The following SLIT1 variants were observed in gnomAD, a reference collection of about 807,000 sequenced individuals.
The protein encoded by SLIT1 is slit guidance ligand 1.
Under a neutral mutation model 186.1 loss-of-function variants are expected in SLIT1, and 66 were observed. The observed-to-expected ratio is 0.35, with a 90% CI of 0.29 to 0.44. The LOEUF (loss-of-function observed/expected upper bound fraction) is 0.44. Among genes scored for constraint, SLIT1 ranks in the 20% least tolerant of loss-of-function variants. SLIT1 has a pLI of 1.00. For missense variants in SLIT1, 1,638 were observed against 2,037.4 expected, an observed-to-expected ratio of 0.80 and a Z score of 3.77; for synonymous variants, 761 against 833.8, an observed-to-expected ratio of 0.91 and a Z score of 1.50.
intron 4 of SLIT1, among the ~76,000 whole-genome samples, chr10:97,151,141 C>T (rs1184081679): frequency 6.6e-6 from 1 of 152,204 alleles, no homozygotes; most frequent in Non-Finnish European, 1.5e-5. Flanking sequence ...CAGGGCCACA[C>T]TCATCCATCT....
chr10:97,151,384 GA>G lies in SLIT1; in HGVS notation c.413+6433del, dbSNP rs560811720. Among the ~76,000 whole-genome samples the G allele has an allele frequency of 3.1e-3, 454 of 146,798 alleles. 4 individuals carry two copies. The highest frequency in any genetic ancestry group is 5.7e-3 in the Non-Finnish European group (377 of 66,304). ...GGGGAGGGTTGATGGGTGGGGGTGG[GA>G]GAGTGGATGGATAGGCAGGTGGTGA... On this transcript the variant is annotated intron_variant, in intron 4 of 36. Coordinates refer to ENST00000266058, the MANE Select transcript of SLIT1 (RefSeq NM_003061.3).
rs377310191 is a variant in SLIT1 at position 97,002,201 on chromosome 10, G to C, written c.4323C>G (p.His1441Gln). 5.7e-5 allele frequency: 89 copies of C among 1,570,310 alleles called. 1 individual carries two copies. Among genetic ancestry groups the C allele is most frequent in the African/African-American group, 3.8e-4 (28 of 73,964 alleles). Residue 1441 changes from histidine (H) to glutamine (Q), a missense_variant, in exon 36 of 37, where the codon CAC (histidine) becomes CAG (glutamine). Around this residue, in one of 3 missense-constraint regions of SLIT1, gnomAD observed 220 missense variants for 211.3 expected, o/e 1.04. Transcript: ENST00000266058. ...HCQASGTKGA[H>Q]CVCDPGFSGE... ...CCGAAAAGCCGGGGTCACACACACA[G>C]TGTGCCCCCTTGGTGCCTGAGGCCT...
chr10:97,012,383 T>A (rs1278836953), intron 30 of SLIT1, among the ~76,000 whole-genome samples: 1 of 152,210 alleles, frequency 6.6e-6, no homozygotes, highest in East Asian at 1.9e-4. Flanking sequence ...GATATATATC[T>A]TGGGTTCCAG....
Position 97,004,230 on chromosome 10 carries a change from A to G in SLIT1, c.3711-8T>C. 6.3e-7 allele frequency: 1 copy of G among 1,596,576 alleles called. No individual in the cohort carries two copies. The highest frequency in any genetic ancestry group is 8.6e-7 in the Non-Finnish European group (1 of 1,165,406). On this transcript the variant is annotated splice_polypyrimidine_tract_variant and splice_region_variant and intron_variant, in intron 33 of 36. Transcript: ENST00000266058. The surrounding 1 kb of genome is among the most constrained non-coding windows in gnomAD (Gnocchi z 5.1). The stretch of plus-strand genomic sequence containing the variant: ...TCGTTGATCGTCTCAGCACTGGAGG[A>G]AGAGGGGGTTCCCCGTTCCAGGGAG...
intron 1 of SLIT1, among the ~76,000 whole-genome samples, 190 bp downstream of exon 1, chr10:97,185,288 C>A (rs1011388818): frequency 6.6e-6 from 1 of 151,878 alleles, no homozygotes; most frequent in African/African-American, 2.4e-5. Flanking sequence ...CCTTTGAATC[C>A]CAGGGATGGG....
chr10:97,164,963 G>T (rs956292734), intron 1 of SLIT1, 73 bp from the exon 2 acceptor site: 1 of 1,163,240 alleles, frequency 8.6e-7, no homozygotes, highest in African/African-American at 1.5e-5. Context: ...CCTGCTCCAG[G>T]TGCCCTCCCC....
chr10:97,054,658 C>T (rs1054652695), intron 13 of SLIT1, among the ~76,000 whole-genome samples: 6 of 152,064 alleles, frequency 3.9e-5, no homozygotes, highest in African/African-American at 7.2e-5. Flanking sequence ...TGAACCTGAC[C>T]GAGCTCCTAG....
intron 31 of SLIT1, among the ~76,000 whole-genome samples, chr10:97,008,791 C>T (rs1848385194): frequency 6.6e-6 from 1 of 151,830 alleles, no homozygotes. Flanking sequence ...CAGAACTCAA[C>T]ATGCTGATCC....
chr10:97,055,890 G>A (rs1211645996), intron 13 of SLIT1, among the ~76,000 whole-genome samples: 1 of 152,118 alleles, frequency 6.6e-6, no homozygotes, highest in African/African-American at 2.4e-5. Flanking sequence ...ATTATAACAT[G>A]CATCCCAGTT....
chr10:97,002,694 C>T lies in SLIT1; in HGVS notation c.4154+10G>A, dbSNP rs1276938170. ...CAGGGGCAAGGGCTCCCCCAGTGCC[C>T]CAGGCTCACTTGTGGCCATGGCAGG... On this transcript the variant is annotated intron_variant, in intron 35 of 36. Transcript: ENST00000266058. 2 of 1,555,342 alleles carry T rather than the reference C, an allele frequency of 1.3e-6. No individual in the cohort carries two copies. The highest frequency in any genetic ancestry group is 1.7e-6 in the Non-Finnish European group (2 of 1,148,294).
At chr10:97,157,711 G>A (rs1849969435) in intron 4 of SLIT1, 107 bp downstream of exon 4, 3 of 836,694 alleles carry the variant, frequency 3.6e-6, no homozygotes, top group African/African-American at 3.3e-5. Flanking sequence ...GGAGCACAGG[G>A]TCAGGGTCAT....
intron 11 of SLIT1, 52 bp from the exon 12 acceptor site, chr10:97,057,333 T>C (rs755528159): frequency 2.9e-5 from 44 of 1,501,556 alleles, no homozygotes; most frequent in African/African-American, 4.1e-5. Flanking sequence ...ACCAGGGCAA[T>C]AGCACAACTC....
At chr10:97,114,775 CA>C (rs909294685) in intron 4 of SLIT1, among the ~76,000 whole-genome samples, 1 of 152,074 alleles carries the variant, frequency 6.6e-6, no homozygotes, top group African/African-American at 2.4e-5. Flanking sequence ...CTTCTCAAAT[CA>C]AAAAATAAAA....
At chr10:97,155,632 C>T (rs187146539) in intron 4 of SLIT1, among the ~76,000 whole-genome samples, 326 of 152,218 alleles carry the variant, frequency 2.1e-3, no homozygotes, top group Admixed American at 4.1e-3. Context: ...CAGAGCTTGA[C>T]GGCAACTGTA....
At chr10:97,151,444 G>C (rs1849878622) in intron 4 of SLIT1, among the ~76,000 whole-genome samples, 1 of 151,888 alleles carries the variant, frequency 6.6e-6, no homozygotes, top group South Asian at 2.1e-4. Context: ...AGAATGGATG[G>C]GAGGAGATGG....
chr10:97,009,797 C>T (rs998455980), intron 31 of SLIT1, among the ~76,000 whole-genome samples: 1 of 152,076 alleles, frequency 6.6e-6, no homozygotes, highest in Non-Finnish European at 1.5e-5. Flanking sequence ...AGACAAATAC[C>T]TTAATTTGAA....
At chr10:97,065,931 G>A (rs1224931618) in intron 5 of SLIT1, 84 bp downstream of exon 5, 24 of 1,024,514 alleles carry the variant, frequency 2.3e-5, no homozygotes, top group Non-Finnish European at 3.1e-5. Flanking sequence ...TGGACCACAC[G>A]GCTCGCTCAG....
chr10:97,064,933 C>G, intron 5 of SLIT1, 57 bp from the exon 6 acceptor site: 3 of 1,399,680 alleles, frequency 2.1e-6, no homozygotes, highest in Non-Finnish European at 3.0e-6. Flanking sequence ...GTAAGGGTGT[C>G]CAAACATTCT....
intron 4 of SLIT1, among the ~76,000 whole-genome samples, chr10:97,110,587 G>C (rs1849455569): frequency 6.6e-6 from 1 of 152,200 alleles, no homozygotes; most frequent in Admixed American, 6.5e-5. Flanking sequence ...ACATAGTTTG[G>C]TTCCTTTATG....
Sources: allele counts gnomAD v4.1 joint callset (sites outside exome capture counted in the v4.1 genomes callset), GRCh38; gene constraint gnomAD v4.1.1; regional missense constraint gnomAD v4.1.1; non-coding constraint Gnocchi (gnomAD v3.1); transcripts MANE v1.5; gene names NCBI Gene and HGNC (gene_info 2026-07-23, HGNC 2026-07-21).